MROH1: variants seen among roughly 807,000 people sequenced by gnomAD.
MROH1 encodes maestro heat-like repeat-containing protein family member 1.
MROH1 carries 117 observed loss-of-function variants against 116.5 expected under a neutral mutation model. The ratio of observed to expected loss-of-function variants is 1.00; its 90% CI spans 0.86 to 1.17. The LOEUF (loss-of-function observed/expected upper bound fraction) is 1.17. Ranked by LOEUF, MROH1 falls within the 50% of genes most tolerant of loss-of-function variation. MROH1 has a pLI of 0.00. For missense variants in MROH1, 1,873 were observed against 1,338.5 expected (o/e 1.40, Z -6.23); for synonymous variants, 921 against 583.9 (o/e 1.58, Z -8.32).
intron 13 of MROH1, 40 bp from the exon 14 acceptor site, chr8:144,223,068 C>G: frequency 1.2e-6 from 2 of 1,611,578 alleles, no homozygotes; most frequent in Non-Finnish European, 1.7e-6. Context: ...ATGGCAGTCT[C>G]TGCGTCCCCT....
intron 14 of MROH1, among the ~76,000 whole-genome samples, chr8:144,237,815 G>A (rs1226459875): frequency 1.3e-5 from 2 of 152,152 alleles, no homozygotes; most frequent in Non-Finnish European, 2.9e-5. Context: ...TACTTTTGGT[G>A]CATTTTTTCG....
At chr8:144,254,264 A>C (rs2133241320) in intron 33 of MROH1, among the ~76,000 whole-genome samples, 1 of 152,312 alleles carries the variant, frequency 6.6e-6, no homozygotes, top group Non-Finnish European at 1.5e-5. Context: ...TGAGTACATT[A>C]GTGTTTCATT....
chr8:144,257,766 C>G (rs908127019), intron 35 of MROH1, among the ~76,000 whole-genome samples: 8 of 152,254 alleles, frequency 5.3e-5, no homozygotes, highest in Non-Finnish European at 2.9e-5. Context: ...CTGTCACCAC[C>G]ACCAGCGGTC....
intron 1 of MROH1, among the ~76,000 whole-genome samples, chr8:144,150,735 C>A (rs1042646051): frequency 1.2e-4 from 19 of 152,190 alleles, no homozygotes; most frequent in Non-Finnish European, 2.2e-4. Flanking sequence ...TGCCACTGAG[C>A]CCTTATCCAG....
At chr8:144,154,488 G>A (rs1163396435) in intron 1 of MROH1, among the ~76,000 whole-genome samples, 3 of 152,200 alleles carry the variant, frequency 2.0e-5, no homozygotes, top group African/African-American at 7.2e-5. Flanking sequence ...GAGAACCACG[G>A]GCGACTGGTT....
intron 7 of MROH1, among the ~76,000 whole-genome samples, chr8:144,188,521 G>T (rs985412787): frequency 0.17 from 1 of 6 alleles, no homozygotes; most frequent in Middle Eastern, 0.5. Context: ...AGGCTGGAGT[G>T]CATGGCGTGA....
At chr8:144,192,498 G>A in intron 10 of MROH1, 97 bp downstream of exon 10, 1 of 1,032,986 alleles carries the variant, frequency 9.7e-7, no homozygotes, top group Non-Finnish European at 1.5e-6. Flanking sequence ...GGGGTGGATG[G>A]CTCAGCCACG....
At chr8:144,215,744 G>A (rs2132229974) in intron 12 of MROH1, among the ~76,000 whole-genome samples, 2 of 147,574 alleles carry the variant, frequency 1.4e-5, no homozygotes, top group African/African-American at 5.0e-5. Context: ...GTGGTGGCGG[G>A]CACCTGTAGT....
At chr8:144,223,271 GC>G in intron 14 of MROH1, 41 bp downstream of exon 14, 1 of 1,560,362 alleles carries the variant, frequency 6.4e-7, no homozygotes, top group Non-Finnish European at 8.7e-7. Context: ...GGCCCACGCT[GC>G]CCCTGGCCTG....
chr8:144,187,830 TTGCAGGGTTGC>T (rs1022383285), intron 7 of MROH1, among the ~76,000 whole-genome samples: 3 of 152,188 alleles, frequency 2.0e-5, no homozygotes, highest in African/African-American at 7.2e-5. Context: ...GCCTTTGCTC[TTGCAGGGTTGC>T]TGCAGGGTCT....
At chr8:144,149,985 G>A (rs1036870245) in intron 1 of MROH1, among the ~76,000 whole-genome samples, 4 of 152,056 alleles carry the variant, frequency 2.6e-5, no homozygotes, top group Non-Finnish European at 5.9e-5. Context: ...TGGACCTGAC[G>A]CGTGGGTGGG....
At chr8:144,171,471 T>G (rs1587857679) in intron 4 of MROH1, among the ~76,000 whole-genome samples, 1 of 152,136 alleles carries the variant, frequency 6.6e-6, no homozygotes, top group African/African-American at 2.4e-5. Context: ...CTTTTGAGGG[T>G]TTGTGCTCAG....
chr8:144,259,968 C>T lies in MROH1; in HGVS notation c.4102C>T (p.Leu1368=), dbSNP rs1409722841. ...LMLLDSLLES[L]AARQKDTCAS... Reference sequence around the variant, plus strand: ...GCTCTTGGACTCGCTGCTGGAGAGCCTGGCGGCTCGCCAGAAGGACACATG... The same window carrying T: ...GCTCTTGGACTCGCTGCTGGAGAGCTTGGCGGCTCGCCAGAAGGACACATG... The change falls in exon 38 of 44, where the codon CTG becomes TTG. Residue 1368 remains leucine, a synonymous_variant. Transcript: ENST00000326134. 2.8e-5 allele frequency: 21 copies of T among 741,346 alleles called. 1 individual carries two copies. In the East Asian group the frequency reaches 5.4e-4, roughly 19 times the overall value. 45.9% of individuals were successfully genotyped at this position (741,346 alleles called of 1,614,324 possible).
intron 1 of MROH1, among the ~76,000 whole-genome samples, chr8:144,159,285 A>G (rs1038187696): frequency 2.0e-5 from 3 of 152,126 alleles, no homozygotes; most frequent in African/African-American, 7.2e-5. Context: ...TTAAACCCGG[A>G]AGGCGGAGGT....
chr8:144,188,449 A>ATTTTTTTTTTT (rs573524223), intron 7 of MROH1, among the ~76,000 whole-genome samples: 2 of 45,812 alleles, frequency 4.4e-5, no homozygotes, highest in African/African-American at 1.7e-4. Context: ...CCACTGCCCA[A>ATTTTTTTTTTT]TTTTTTTTTT....
intron 7 of MROH1, among the ~76,000 whole-genome samples, chr8:144,181,851 C>T (rs1214190877): frequency 6.6e-6 from 1 of 152,226 alleles, no homozygotes; most frequent in East Asian, 1.9e-4. Flanking sequence ...CGCCACTCCT[C>T]TGGGAAGTGG....
intron 12 of MROH1, 27 bp downstream of exon 12, chr8:144,200,568 G>GC (rs1564459566): frequency 6.8e-7 from 1 of 1,465,554 alleles, no homozygotes; most frequent in Non-Finnish European, 9.3e-7. Context: ...TAGCCTGGCC[G>GC]CCACCCCTGG....
chr8:144,249,519 A>G (rs994881961), intron 32 of MROH1, among the ~76,000 whole-genome samples: 9 of 152,106 alleles, frequency 5.9e-5, no homozygotes, highest in African/African-American at 2.2e-4. Flanking sequence ...CTCCCAGGCC[A>G]ATACCCATCA....
chr8:144,260,335 G>A lies in MROH1; in HGVS notation c.4341G>A (p.Leu1447=). ...AGTCCTGGGACCTGCGCTCAGGGCT[G>A]CTGCACGTGGCCATCCGCATCCGGC... is the stretch of plus-strand genomic sequence containing the variant. ...LVESWDLRSG[L]LHVAIRIRPF... The change falls in exon 39 of 44, where the codon CTG becomes CTA. Residue 1447 remains leucine (L), a synonymous_variant. Coordinates refer to ENST00000326134, the MANE Select transcript of MROH1 (RefSeq NM_032450.3). 1.4e-6 allele frequency: 1 copy of A among 737,034 alleles called. No individual in the cohort carries two copies. Among genetic ancestry groups the A allele is most frequent in the East Asian group, 2.5e-5 (1 of 39,218 alleles). The allele number at this position is 737,034 out of a possible 1,614,324, so 45.7% of individuals were successfully genotyped here. A position where few individuals can be genotyped will look rare whatever the true frequency, so the allele number is the denominator to read the frequency against.
Sources: gnomAD v4.1 joint callset for allele counts (sites outside exome capture counted in the v4.1 genomes callset) on GRCh38, gnomAD v4.1.1 for gene constraint, MANE v1.5 for transcripts, NCBI Gene and HGNC (gene_info 2026-07-23, HGNC 2026-07-21) for gene names.